TTC7A: variants seen among roughly 807,000 people sequenced by gnomAD.
The protein encoded by TTC7A is tetratricopeptide repeat protein 7A.
Under a neutral mutation model 103.7 loss-of-function variants are expected in TTC7A, and 110 were observed. That is an observed-to-expected ratio of 1.06 (90% confidence interval 0.91 to 1.24). The LOEUF (loss-of-function observed/expected upper bound fraction) is 1.24, where lower values mean the gene tolerates loss of function less well. Among genes scored for constraint, TTC7A ranks in the 50% most tolerant of loss-of-function variants. The pLI is 0.00. For missense variants in TTC7A, 1,340 were observed against 1,116.3 expected (o/e 1.20, Z -2.86); for synonymous variants, 521 against 467.9 (o/e 1.11, Z -1.47).
intron 17 of TTC7A, chr2:47,050,809 C>G (rs1682796846): frequency 6.6e-6 from 1 of 152,202 alleles, no homozygotes; most frequent in African/African-American, 2.4e-5. Flanking sequence ...AGAATGGTAG[C>G]TCCCTTGCAA....
chr2:47,062,886 A>C (rs1436625989), intron 19 of TTC7A, among the ~76,000 whole-genome samples: 2 of 152,196 alleles, frequency 1.3e-5, no homozygotes, highest in East Asian at 3.9e-4. Flanking sequence ...AATTAGAGCA[A>C]GTCAGAGCCA....
intron 8 of TTC7A, among the ~76,000 whole-genome samples, chr2:46,998,235 T>A (rs940338470): frequency 6.6e-6 from 1 of 152,146 alleles, no homozygotes; most frequent in Non-Finnish European, 1.5e-5. Context: ...TTCAGAAACT[T>A]GAGGGATTTG....
intron 11 of TTC7A, among the ~76,000 whole-genome samples, chr2:47,018,380 C>G (rs1182759890): frequency 6.6e-6 from 1 of 151,148 alleles, no homozygotes; most frequent in Admixed American, 6.6e-5. Context: ...CTCAGGAGTT[C>G]GAGACCACCC....
intron 18 of TTC7A, 93 bp downstream of exon 18, chr2:47,051,973 G>T (rs1682898119): frequency 6.8e-7 from 1 of 1,470,994 alleles, no homozygotes; most frequent in South Asian, 1.3e-5. Flanking sequence ...GTGGGGAGGT[G>T]GGGACACCTT....
At chr2:46,996,950 A>AG (rs1285289950) in intron 8 of TTC7A, among the ~76,000 whole-genome samples, 1 of 151,726 alleles carries the variant, frequency 6.6e-6, no homozygotes, top group Non-Finnish European at 1.5e-5. Flanking sequence ...GGAAACACAG[A>AG]GTTTTTTTTG....
chr2:47,053,543 T>TTGGTTGGTTGGTTGG lies in TTC7A; in HGVS notation c.2152+1664_2152+1665insGGTTGGTTGGTTGGT, dbSNP rs56072760. 9.4e-4 allele frequency among the ~76,000 whole-genome samples: 132 copies of TTGGTTGGTTGGTTGG among 140,234 alleles called. 1 individual carries two copies. The highest frequency in any genetic ancestry group is 3.5e-3 in the Middle Eastern group (1 of 286). 92.0% of individuals were successfully genotyped at this position (140,234 alleles called of 152,430 possible). ...TTTGGTGGGTTTTTTTGTTTGTTTG[T>TTGGTTGGTTGGTTGG]TTGGTTGGTTGGTTGGTTGGTTGGT... On this transcript the variant is annotated intron_variant, in intron 18 of 19. Transcript: ENST00000319190.
At chr2:46,957,060 C>T (rs557108569) in intron 3 of TTC7A, 53 bp downstream of exon 3, 2 of 1,607,314 alleles carry the variant, frequency 1.2e-6, no homozygotes, top group African/African-American at 1.3e-5. Context: ...GCTCGTTGCA[C>T]TCTGACTCCC....
intron 17 of TTC7A, 46 bp downstream of exon 17, chr2:47,050,092 C>T (rs1359156587): frequency 2.0e-6 from 3 of 1,481,586 alleles, no homozygotes; most frequent in East Asian, 2.3e-5. Flanking sequence ...ACCCACAGCT[C>T]ACACTCCCAG....
At position 47,007,491 on chromosome 2, in the gene TTC7A, C is replaced by G. The variant is rs1293337192; in HGVS notation, c.1287+767C>G. On this transcript the variant is annotated intron_variant, in intron 10 of 19. Coordinates refer to ENST00000319190, the MANE Select transcript of TTC7A (RefSeq NM_020458.4). The surrounding 1 kb of genome is among the most constrained non-coding windows in gnomAD (Gnocchi z 4.9). ...ATGAGCTTGCAGATTGTTCCAGGAG[C>G]TGTAAATATCCAGAGCCCTTTCATG... Among the ~76,000 whole-genome samples, 2 of 152,184 alleles carry G rather than the reference C, an allele frequency of 1.3e-5. No homozygotes were observed. Among genetic ancestry groups the G allele is most frequent in the Non-Finnish European group, 2.9e-5 (2 of 68,018 alleles).
At chr2:47,001,579 G>A (rs1038358229) in intron 8 of TTC7A, among the ~76,000 whole-genome samples, 2 of 152,302 alleles carry the variant, frequency 1.3e-5, no homozygotes, top group South Asian at 2.1e-4. Flanking sequence ...AATGCAGGCC[G>A]GGAGCGGTGG....
At chr2:46,974,367 C>T (rs1434806162) in intron 3 of TTC7A, among the ~76,000 whole-genome samples, 1 of 152,228 alleles carries the variant, frequency 6.6e-6, no homozygotes, top group Non-Finnish European at 1.5e-5. Context: ...CTGGCACCGT[C>T]ACGGGCAGAG....
At chr2:46,924,650 A>C (rs187540020) in intron 2 of TTC7A, among the ~76,000 whole-genome samples, 1 of 151,916 alleles carries the variant, frequency 6.6e-6, no homozygotes, top group Admixed American at 6.6e-5. Context: ...CCCTGGAGAT[A>C]GGGTCTTGCT....
intron 2 of TTC7A, among the ~76,000 whole-genome samples, chr2:46,923,608 T>C (rs1334952170): frequency 6.6e-6 from 1 of 152,216 alleles, no homozygotes; most frequent in African/African-American, 2.4e-5. Context: ...AAACTCAGAA[T>C]TGACCAGGTG....
intron 18 of TTC7A, among the ~76,000 whole-genome samples, chr2:47,052,101 G>A (rs1039214174): frequency 2.6e-5 from 4 of 152,224 alleles, no homozygotes; most frequent in African/African-American, 9.6e-5. Flanking sequence ...AAGCCCAAAC[G>A]TGAGAGGATT....
chr2:47,003,853 G>A (rs757824436), intron 8 of TTC7A, among the ~76,000 whole-genome samples: 1 of 152,236 alleles, frequency 6.6e-6, no homozygotes, highest in African/African-American at 2.4e-5. Context: ...CACCCTGGGT[G>A]GCCAGAGCTG....
chr2:46,995,619 G>A (rs60866910), intron 8 of TTC7A, among the ~76,000 whole-genome samples: 14,894 of 152,234 alleles, frequency 0.098, 836 homozygotes, highest in Admixed American at 0.14. Flanking sequence ...CCAGTTCTGC[G>A]TGTTAGTTGA....
At chr2:47,016,993 G>A (rs1678728144) in intron 11 of TTC7A, among the ~76,000 whole-genome samples, 1 of 152,066 alleles carries the variant, frequency 6.6e-6, no homozygotes, top group East Asian at 1.9e-4. Context: ...GAGGTCAGGA[G>A]TTCGAGACCA....
At chr2:47,023,375 C>T in intron 12 of TTC7A, 33 bp from the exon 13 acceptor site, 1 of 1,613,146 alleles carries the variant, frequency 6.2e-7, no homozygotes, top group Non-Finnish European at 8.5e-7. Flanking sequence ...TCAGTGACCC[C>T]TGATGGCTCA....
chr2:46,962,432 C>T (rs1291452787), intron 3 of TTC7A, among the ~76,000 whole-genome samples: 1 of 152,138 alleles, frequency 6.6e-6, no homozygotes, highest in Non-Finnish European at 1.5e-5. Flanking sequence ...AGTTGTATCC[C>T]CCAAGGCTCC....
Sources: gnomAD v4.1 joint callset for allele counts (sites outside exome capture counted in the v4.1 genomes callset) on GRCh38, gnomAD v4.1.1 for gene constraint, Gnocchi (gnomAD v3.1) non-coding constraint, MANE v1.5 for transcripts, NCBI Gene and HGNC (gene_info 2026-07-23, HGNC 2026-07-21) for gene names.